MTBP: variants seen among roughly 807,000 people sequenced by gnomAD.
The protein encoded by MTBP is mdm2-binding protein.
MTBP carries 101 observed loss-of-function variants against 117.0 expected under a neutral mutation model. The ratio of observed to expected loss-of-function variants is 0.86; its 90% CI spans 0.73 to 1.02. The LOEUF (loss-of-function observed/expected upper bound fraction) is 1.02. MTBP is among the 50% of genes least tolerant of loss of function. The pLI, the probability that MTBP is intolerant of heterozygous loss-of-function variation, is 0.00. For synonymous variants in MTBP, 350 were observed against 351.5 expected (o/e 1.00, Z 0.05); for missense variants, 970 against 1,030.9 (o/e 0.94, Z 0.81).
Position 120,493,252 on chromosome 8 carries a change from A to G in MTBP, c.1447+2682A>G, listed in dbSNP as rs574505783. ...TCCAATGTTTTTCTCTCAAATATTTATCTGCCACTTATATGCAAACTCATT... is the reference window on the plus strand; with the variant it reads ...TCCAATGTTTTTCTCTCAAATATTTGTCTGCCACTTATATGCAAACTCATT... On this transcript the variant is annotated intron_variant, in intron 13 of 21. Transcript: ENST00000305949. Among the ~76,000 whole-genome samples the G allele has an allele frequency of 2.5e-4, 38 of 152,258 alleles. 1 individual carries two copies. The South Asian group carries it at 7.9e-3, about 32-fold the overall frequency.
intron 11 of MTBP, among the ~76,000 whole-genome samples, chr8:120,482,441 G>A (rs572805421): frequency 1.3e-5 from 2 of 152,002 alleles, no homozygotes; most frequent in South Asian, 2.1e-4. Context: ...TTCTGTGTCT[G>A]TTGAACAATA....
intron 11 of MTBP, among the ~76,000 whole-genome samples, chr8:120,485,103 A>G (rs773203313): frequency 2.0e-5 from 3 of 152,192 alleles, no homozygotes; most frequent in Non-Finnish European, 4.4e-5. Flanking sequence ...TTAGGCTATT[A>G]TGAATAATGC....
intron 21 of MTBP, 105 bp from the exon 22 acceptor site, chr8:120,523,193 A>G (rs553582868): frequency 1.3e-6 from 1 of 764,530 alleles, no homozygotes; most frequent in Non-Finnish European, 2.2e-6. Flanking sequence ...CTTCCTTTTT[A>G]TTTGAAATTT....
chr8:120,456,316 A>G (rs996253067), intron 6 of MTBP, among the ~76,000 whole-genome samples: 9 of 152,140 alleles, frequency 5.9e-5, no homozygotes, highest in Non-Finnish European at 1.0e-4. Flanking sequence ...AGGAAAGTCT[A>G]TTTCTTCATC....
chr8:120,445,679 A>AC, intron 1 of MTBP, 91 bp downstream of exon 1: 1 of 1,016,248 alleles, frequency 9.8e-7, no homozygotes, highest in Non-Finnish European at 1.5e-6. Context: ...AGAGGGATCA[A>AC]TATGTAGTTG....
chr8:120,449,300 G>A lies in MTBP; in HGVS notation c.200-1703G>A, dbSNP rs141488631. Among the ~76,000 whole-genome samples, 611 of 152,266 alleles carry A rather than the reference G, an allele frequency of 4.0e-3. 4 individuals carry two copies. Among genetic ancestry groups the A allele is most frequent in the African/African-American group, 0.014 (584 of 41,556 alleles). On this transcript the variant is annotated intron_variant, in intron 2 of 21. Transcript: ENST00000305949. ...TAATGGCATGATGGTGGCATTTAGT[G>A]AGAAAGAACCAGATTTGGAGGGAAT...
chr8:120,496,310 AC>A (rs1814456456), intron 13 of MTBP, among the ~76,000 whole-genome samples: 2 of 152,208 alleles, frequency 1.3e-5, no homozygotes, highest in South Asian at 4.1e-4. Context: ...AAATCTTTGC[AC>A]AGGGAAATAA....
chr8:120,453,312 C>G (rs918059397), intron 4 of MTBP, among the ~76,000 whole-genome samples: 1 of 151,918 alleles, frequency 6.6e-6, no homozygotes, highest in African/African-American at 2.4e-5. Context: ...GTGGTGTGTG[C>G]TTGTAGTCCC....
At chr8:120,478,096 C>T (rs1813986357) in intron 11 of MTBP, among the ~76,000 whole-genome samples, 1 of 152,146 alleles carries the variant, frequency 6.6e-6, no homozygotes, top group Non-Finnish European at 1.5e-5. Context: ...AGTTCATGTC[C>T]TTTGCACGGA....
intron 11 of MTBP, among the ~76,000 whole-genome samples, chr8:120,486,753 C>T (rs1481932746): frequency 6.6e-6 from 1 of 152,112 alleles, no homozygotes; most frequent in African/African-American, 2.4e-5. Context: ...AAGCAGGCTG[C>T]GGCTGAAGTG....
chr8:120,505,815 C>T (rs544848760), intron 15 of MTBP, among the ~76,000 whole-genome samples: 5 of 152,070 alleles, frequency 3.3e-5, no homozygotes, highest in East Asian at 3.9e-4. Context: ...TTTCACTTGC[C>T]GGTATTTAAA....
chr8:120,510,181 ATT>A (rs910188896), intron 17 of MTBP, 152 bp downstream of exon 17: 2 of 513,202 alleles, frequency 3.9e-6, no homozygotes, highest in Non-Finnish European at 6.8e-6. Context: ...TACAAAAATA[ATT>A]TGTCTTCTGT....
intron 2 of MTBP, among the ~76,000 whole-genome samples, chr8:120,448,244 G>A (rs1357988004): frequency 6.6e-6 from 1 of 152,124 alleles, no homozygotes; most frequent in East Asian, 1.9e-4. Context: ...GACTTTCAAT[G>A]TTGTGAAATA....
intron 15 of MTBP, among the ~76,000 whole-genome samples, chr8:120,506,227 C>T (rs1426690620): frequency 1.3e-5 from 2 of 152,036 alleles, no homozygotes; most frequent in Admixed American, 6.6e-5. Context: ...GGGGAGATTT[C>T]TGATTATTGT....
intron 14 of MTBP, among the ~76,000 whole-genome samples, chr8:120,499,904 T>C (rs1002613907): frequency 6.6e-6 from 1 of 152,218 alleles, no homozygotes; most frequent in Non-Finnish European, 1.5e-5. Context: ...TAAGTAAGTT[T>C]TCCAGGTAAT....
chr8:120,478,548 A>G (rs1227142948), intron 11 of MTBP, among the ~76,000 whole-genome samples: 4 of 152,208 alleles, frequency 2.6e-5, no homozygotes, highest in Non-Finnish European at 5.9e-5. Context: ...ATATTGCCTT[A>G]TATTTTTAAA....
intron 11 of MTBP, among the ~76,000 whole-genome samples, chr8:120,480,052 A>G (rs2130565114): frequency 6.6e-6 from 1 of 152,268 alleles, no homozygotes; most frequent in Non-Finnish European, 1.5e-5. Context: ...GAGAGTAACT[A>G]AAGAAGATAT....
intron 14 of MTBP, among the ~76,000 whole-genome samples, chr8:120,499,471 A>G (rs1814535557): frequency 6.6e-6 from 1 of 152,094 alleles, no homozygotes; most frequent in East Asian, 1.9e-4. Context: ...ATTTTTAGAA[A>G]CTGAACTGAA....
chr8:120,473,132 T>C (rs1813857027), intron 11 of MTBP: 1 of 152,216 alleles, frequency 6.6e-6, no homozygotes, highest in Non-Finnish European at 1.5e-5. Flanking sequence ...TTATAATGCC[T>C]GATACAATGT....
Sources: gnomAD v4.1 joint callset for allele counts (sites outside exome capture counted in the v4.1 genomes callset) on GRCh38, gnomAD v4.1.1 for gene constraint, MANE v1.5 for transcripts, NCBI Gene and HGNC (gene_info 2026-07-23, HGNC 2026-07-21) for gene names.